Variants in DDX31 observed in about 807,000 individuals in gnomAD.
The protein encoded by DDX31 is DEAD-box helicase 31, also known as ATP-dependent DNA helicase DDX31.
Under a neutral mutation model 91.3 loss-of-function variants are expected in DDX31, and 70 were observed. The ratio of observed to expected loss-of-function variants is 0.77; its 90% CI spans 0.63 to 0.94. The LOEUF is 0.94. DDX31 is among the 40% of genes least tolerant of loss of function. The probability of loss-of-function intolerance (pLI) is 0.00; values close to 1 mark genes in which losing one functional copy is unlikely to be tolerated. For synonymous variants in DDX31, 362 were observed against 350.6 expected (o/e 1.03, Z -0.36); for missense variants, 902 against 925.0 (o/e 0.98, Z 0.32).
chr9:132,634,954 A>T (rs1273355186), intron 14 of DDX31, among the ~76,000 whole-genome samples: 2 of 152,046 alleles, frequency 1.3e-5, no homozygotes, highest in Non-Finnish European at 2.9e-5. Flanking sequence ...AGACTTCCTT[A>T]GTTTGGAACC....
rs749600770 is a variant in DDX31 at position 132,652,403 on chromosome 9, T to C, written c.633+45A>G. The stretch of plus-strand genomic sequence containing the variant: ...ACTTTTAAATTCAACGGGACATTAG[T>C]GAAAGCATGTGCTTAAAACTTGTCC... On this transcript the variant is annotated intron_variant, in intron 7 of 19. Transcript: ENST00000372159. 24 of 1,613,008 alleles carry C rather than the reference T, an allele frequency of 1.5e-5. No individual in the cohort carries two copies. In the Admixed American group the frequency reaches 3.3e-4, roughly 22 times the overall value.
chr9:132,629,544 A>T (rs1223464520), intron 16 of DDX31, among the ~76,000 whole-genome samples: 2 of 152,260 alleles, frequency 1.3e-5, no homozygotes, highest in Non-Finnish European at 2.9e-5. Context: ...GCCTGCTAGG[A>T]TGTTTTCATT....
intron 14 of DDX31, among the ~76,000 whole-genome samples, chr9:132,632,624 T>A (rs2130678964): frequency 6.6e-6 from 1 of 151,852 alleles, no homozygotes; most frequent in South Asian, 2.1e-4. Context: ...CTGGAACATC[T>A]CCCCTCAAGG....
chr9:132,621,208 A>G (rs948873418), intron 17 of DDX31, among the ~76,000 whole-genome samples: 2 of 152,220 alleles, frequency 1.3e-5, no homozygotes, highest in South Asian at 2.1e-4. Context: ...TTTTTATTAT[A>G]AAAAGTAATA....
Position 132,606,012 on chromosome 9 carries a change from G to A in DDX31, c.1994+6075C>T, listed in dbSNP as rs934294427. Reference sequence around the variant, plus strand: ...GAGGGCTGCTATTCATAAAGACAGCGTTTGGGAAGCGGAGGGAAGAGACAG... The same window carrying A: ...GAGGGCTGCTATTCATAAAGACAGCATTTGGGAAGCGGAGGGAAGAGACAG... On this transcript the variant is annotated intron_variant, in intron 19 of 19. Coordinates refer to ENST00000372159, the MANE Select transcript of DDX31 (RefSeq NM_022779.9). Among the ~76,000 whole-genome samples the A allele has an allele frequency of 4.6e-5, 7 of 152,294 alleles. 1 individual carries two copies. In the East Asian group the frequency reaches 1.2e-3, roughly 25 times the overall value.
chr9:132,602,286 G>A (rs1830760574), intron 19 of DDX31, among the ~76,000 whole-genome samples: 1 of 152,352 alleles, frequency 6.6e-6, no homozygotes, highest in South Asian at 2.1e-4. Context: ...AGTGCAGTGG[G>A]ACCCACAGGA....
intron 5 of DDX31, 31 bp downstream of exon 5, chr9:132,659,679 T>A (rs1038585081): frequency 6.3e-7 from 1 of 1,591,518 alleles, no homozygotes. Flanking sequence ...CCTGAGCAGA[T>A]GAAAAAGGGC....
At chr9:132,597,985 T>C (rs1232203383) in intron 19 of DDX31, among the ~76,000 whole-genome samples, 1 of 152,138 alleles carries the variant, frequency 6.6e-6, no homozygotes, top group African/African-American at 2.4e-5. Flanking sequence ...GGCTATTTCA[T>C]CATGTTAGTC....
intron 4 of DDX31, 61 bp downstream of exon 4, chr9:132,661,147 G>C: frequency 6.8e-7 from 1 of 1,466,902 alleles, no homozygotes. Flanking sequence ...TGCACACACA[G>C]GTTTCGTCCG....
chr9:132,595,107 T>C lies in DDX31; in HGVS notation c.2000A>G (p.Asp667Gly). 1.2e-6 allele frequency: 2 copies of C among 1,613,780 alleles called. No homozygotes were observed. The highest frequency in any genetic ancestry group is 1.7e-6 in the Non-Finnish European group (2 of 1,179,728). ...KKRKAHVKRP[D>G]LHKKTQSKHS... ...TTTACTCTGGGTCTTCTTATGAAGG[T>C]CAGGCCTGAAGAACAGTAACAGCAG... is the stretch of plus-strand genomic sequence containing the variant. Residue 667 changes from aspartate (D) to glycine (G), a missense_variant, in exon 20 of 20, where the codon GAC becomes GGC. Transcript: ENST00000372159. The surrounding 1 kb of genome is among the most constrained non-coding windows in gnomAD (Gnocchi z 4.6).
chr9:132,649,637 T>C (rs1168031637), intron 9 of DDX31, among the ~76,000 whole-genome samples: 2 of 152,222 alleles, frequency 1.3e-5, no homozygotes, highest in Admixed American at 6.5e-5. Flanking sequence ...TCCTAACCAA[T>C]GCTTTGAGGT....
At chr9:132,650,905 T>C (rs933225610) in intron 8 of DDX31, among the ~76,000 whole-genome samples, 170 bp downstream of exon 8, 8 of 152,332 alleles carry the variant, frequency 5.3e-5, no homozygotes, top group Middle Eastern at 6.8e-3. Flanking sequence ...AAGCTAGAAA[T>C]TGGTAGGTTT....
chr9:132,658,439 C>T (rs1834715308), intron 6 of DDX31: 1 of 693,666 alleles, frequency 1.4e-6, no homozygotes. Context: ...ACACGGGGAG[C>T]ATCTTACAAA....
chr9:132,641,874 C>T, intron 14 of DDX31, 130 bp downstream of exon 14: 1 of 832,486 alleles, frequency 1.2e-6, no homozygotes, highest in Non-Finnish European at 1.9e-6. Context: ...GAGGCCAGCC[C>T]CACCAAGGGG....
chr9:132,638,151 CT>C, intron 14 of DDX31: 2 of 1,386,510 alleles, frequency 1.4e-6, no homozygotes, highest in Non-Finnish European at 1.9e-6. Flanking sequence ...CTGCAGGTAT[CT>C]TTCCTTTCTG....
chr9:132,609,489 G>T (rs538270109), intron 19 of DDX31, among the ~76,000 whole-genome samples: 1 of 152,094 alleles, frequency 6.6e-6, no homozygotes, highest in African/African-American at 2.4e-5. Context: ...GATCTGGGCC[G>T]GTCTGAGGAG....
chr9:132,637,185 G>C (rs900159269), intron 14 of DDX31, among the ~76,000 whole-genome samples: 3 of 152,050 alleles, frequency 2.0e-5, no homozygotes, highest in African/African-American at 7.3e-5. Context: ...AAACAGCAGA[G>C]GCTCCATCTC....
chr9:132,651,159 C>CTTTTT (rs200786970), intron 7 of DDX31, 43 bp from the exon 8 acceptor site: 3 of 1,253,240 alleles, frequency 2.4e-6, no homozygotes, highest in Non-Finnish European at 3.3e-6. Flanking sequence ...CAGGATCCCC[C>CTTTTT]TTTTTTTTTT....
intron 19 of DDX31, among the ~76,000 whole-genome samples, chr9:132,600,376 AT>A (rs1330388187): frequency 1.3e-5 from 2 of 152,184 alleles, no homozygotes; most frequent in Non-Finnish European, 2.9e-5. Flanking sequence ...GGCAGTGGGA[AT>A]CATGGGAATC....
Sources: gnomAD v4.1 joint callset for allele counts (sites outside exome capture counted in the v4.1 genomes callset) on GRCh38, gnomAD v4.1.1 for gene constraint, Gnocchi (gnomAD v3.1) non-coding constraint, MANE v1.5 for transcripts, NCBI Gene and HGNC (gene_info 2026-07-23, HGNC 2026-07-21) for gene names.